Variants in LEKR1 observed in about 807,000 individuals in gnomAD.
LEKR1 encodes the protein protein LEKR1.
LEKR1 carries 59 observed loss-of-function variants against 72.4 expected under a neutral mutation model. The observed-to-expected ratio is 0.82, with a 90% CI of 0.66 to 1.01. The LOEUF (loss-of-function observed/expected upper bound fraction) is 1.01, where lower values mean the gene tolerates loss of function less well. Ranked by LOEUF, LEKR1 falls within the 50% of genes least tolerant of loss-of-function variation. The pLI is 0.00. For synonymous variants in LEKR1, 257 were observed against 263.2 expected (o/e 0.98, Z 0.23); for missense variants, 728 against 759.2 (o/e 0.96, Z 0.48).
intron 10 of LEKR1, among the ~76,000 whole-genome samples, chr3:157,014,196 T>C (rs1292400590): frequency 6.6e-6 from 1 of 152,096 alleles, no homozygotes; most frequent in Non-Finnish European, 1.5e-5. Flanking sequence ...TTAATCACTA[T>C]CACTTTTTAG....
intron 3 of LEKR1, among the ~76,000 whole-genome samples, chr3:156,902,069 G>C (rs1023891909): frequency 7.9e-5 from 12 of 152,056 alleles, no homozygotes; most frequent in Admixed American, 5.9e-4. Flanking sequence ...AAACAGACCA[G>C]GGTTTAAAAC....
At position 156,999,766 on chromosome 3, in the gene LEKR1, G is replaced by A. The variant is rs377228610; in HGVS notation, c.1109+6489G>A. On this transcript the variant is annotated intron_variant, in intron 9 of 12. Coordinates refer to ENST00000356539, the MANE Select transcript of LEKR1 (RefSeq NM_001004316.3). ...AGAAGCCATTTCCAAATTTGCACAA[G>A]GGCACTGGTTAGCAGAGCTGTGGCC... Among the ~76,000 whole-genome samples, 7 of 152,242 alleles carry A rather than the reference G, an allele frequency of 4.6e-5. No individual in the cohort carries two copies. In the East Asian group the frequency reaches 7.7e-4, roughly 17 times the overall value.
At chr3:157,022,454 T>G (rs920359176) in intron 10 of LEKR1, among the ~76,000 whole-genome samples, 1 of 152,046 alleles carries the variant, frequency 6.6e-6, no homozygotes, top group Admixed American at 6.6e-5. Flanking sequence ...AGTTGAGACA[T>G]AGAGAAATGG....
chr3:156,913,412 T>C (rs1270570201), intron 3 of LEKR1, among the ~76,000 whole-genome samples: 3 of 152,206 alleles, frequency 2.0e-5, no homozygotes, highest in Non-Finnish European at 4.4e-5. Flanking sequence ...ATTGTGTTGC[T>C]AATTTGGCTC....
rs1393108334 is a variant in LEKR1, at chr3:156,927,605, G to GT, written c.559+4dup. On this transcript the variant is annotated splice_donor_variant, in intron 5 of 12. Coordinates refer to ENST00000356539, the MANE Select transcript of LEKR1 (RefSeq NM_001004316.3). LOFTEE classifies it high-confidence loss of function. Reference sequence around the variant, plus strand: ...TCTATAAGTGAAACAGCCTTGACAGGTTTGTTACATATATTTAGAATATAA... The same window carrying GT: ...TCTATAAGTGAAACAGCCTTGACAGGTTTTGTTACATATATTTAGAATATAA... 1.7e-6 allele frequency: 2 copies of GT among 1,193,514 alleles called. No individual in the cohort carries two copies. Among genetic ancestry groups the GT allele is most frequent in the African/African-American group, 3.3e-5 (2 of 60,262 alleles). The allele number at this position is 1,193,514 out of a possible 1,614,324, so 73.9% of individuals were successfully genotyped here.
At chr3:156,893,596 T>G (rs1314442251) in intron 3 of LEKR1, among the ~76,000 whole-genome samples, 2 of 152,120 alleles carry the variant, frequency 1.3e-5, no homozygotes, top group Non-Finnish European at 2.9e-5. Flanking sequence ...TTTAAAAGTG[T>G]GTGGCATCCC....
Position 156,982,901 on chromosome 3 carries a change from AGATAGATG to A in LEKR1, c.827+3629_827+3636del, listed in dbSNP as rs767805126. Reference sequence around the variant, plus strand: ...TAGATAGATAGATAGATAGATAGATAGATAGATGGAAGAGCTAGAGACAGGTAGCATAG... The same window carrying A: ...TAGATAGATAGATAGATAGATAGATAGAAGAGCTAGAGACAGGTAGCATAG... On this transcript the variant is annotated intron_variant, in intron 7 of 12. Transcript: ENST00000356539. 5.2e-3 allele frequency among the ~76,000 whole-genome samples: 729 copies of A among 139,572 alleles called. 3 individuals carry two copies. Among genetic ancestry groups the A allele is most frequent in the Non-Finnish European group, 6.6e-3 (396 of 60,290 alleles). The allele number at this position is 139,572 out of a possible 152,430, so 91.6% of individuals were successfully genotyped here. A position where few individuals can be genotyped will look rare whatever the true frequency, so the allele number is the denominator to read the frequency against.
intron 5 of LEKR1, among the ~76,000 whole-genome samples, chr3:156,930,204 T>C (rs1053514340): frequency 1.4e-4 from 21 of 151,400 alleles, no homozygotes; most frequent in African/African-American, 5.1e-4. Flanking sequence ...TAAAGATAAA[T>C]CAATAGAAAT....
At chr3:156,925,568 A>T (rs990229562) in intron 4 of LEKR1, among the ~76,000 whole-genome samples, 2 of 152,112 alleles carry the variant, frequency 1.3e-5, no homozygotes, top group East Asian at 3.9e-4. Flanking sequence ...AGAGAATGTT[A>T]AGGTTACCAA....
intron 6 of LEKR1, chr3:156,942,947 A>G (rs750212611): frequency 3.9e-6 from 1 of 253,840 alleles, no homozygotes; most frequent in Non-Finnish European, 7.5e-6. Context: ...TATAAAAGAC[A>G]TTTCAACTGC....
intron 5 of LEKR1, among the ~76,000 whole-genome samples, chr3:156,932,991 C>T (rs929845082): frequency 6.6e-6 from 1 of 152,124 alleles, no homozygotes; most frequent in Non-Finnish European, 1.5e-5. Flanking sequence ...GATCATGCCA[C>T]TGCACTCCAG....
chr3:156,936,467 C>CACA (rs767163001), intron 5 of LEKR1, among the ~76,000 whole-genome samples: 3,346 of 70,128 alleles, frequency 0.048, 82 homozygotes, highest in African/African-American at 0.062. Flanking sequence ...ACACACACAC[C>CACA]CCCCGTATGC....
intron 3 of LEKR1, among the ~76,000 whole-genome samples, chr3:156,916,394 T>C (rs1310767664): frequency 6.6e-6 from 1 of 152,186 alleles, no homozygotes; most frequent in Non-Finnish European, 1.5e-5. Context: ...TCCATGAGCA[T>C]GTGATGTTTT....
intron 12 of LEKR1, 61 bp downstream of exon 12, chr3:157,028,463 C>A (rs1734368216): frequency 3.6e-6 from 5 of 1,402,138 alleles, no homozygotes; most frequent in Non-Finnish European, 4.8e-6. Context: ...TTTCAACAAA[C>A]AAACAAAAAC....
At chr3:156,836,974 A>G (rs1713232387) in intron 2 of LEKR1, among the ~76,000 whole-genome samples, 1 of 152,246 alleles carries the variant, frequency 6.6e-6, no homozygotes, top group African/African-American at 2.4e-5. Context: ...AAGCTTGTAA[A>G]GGATTGTAAC....
chr3:156,966,344 G>A (rs1728586357), intron 6 of LEKR1, among the ~76,000 whole-genome samples: 1 of 152,170 alleles, frequency 6.6e-6, no homozygotes, highest in South Asian at 2.1e-4. Context: ...GCCTCACCCG[G>A]GAAGTGCAAG....
intron 11 of LEKR1, among the ~76,000 whole-genome samples, chr3:157,026,797 T>C (rs1734219605): frequency 6.6e-6 from 1 of 152,320 alleles, no homozygotes; most frequent in African/African-American, 2.4e-5. Flanking sequence ...GCATAAGTAA[T>C]AAAGATATGT....
intron 6 of LEKR1, among the ~76,000 whole-genome samples, chr3:156,952,534 T>G (rs527291392): frequency 6.6e-6 from 1 of 151,526 alleles, no homozygotes; most frequent in African/African-American, 2.4e-5. Context: ...GGTAGTGATT[T>G]TCATGTATCA....
chr3:157,015,435 T>C (rs538250430), intron 10 of LEKR1, among the ~76,000 whole-genome samples: 1 of 152,306 alleles, frequency 6.6e-6, no homozygotes, highest in African/African-American at 2.4e-5. Context: ...AAACCTGTAA[T>C]TTATAAGGCC....
Sources: gnomAD v4.1 joint callset for allele counts (sites outside exome capture counted in the v4.1 genomes callset) on GRCh38, gnomAD v4.1.1 for gene constraint, MANE v1.5 for transcripts, NCBI Gene and HGNC (gene_info 2026-07-23, HGNC 2026-07-21) for gene names.